COL24A1: variants seen among roughly 807,000 people sequenced by gnomAD.
The protein encoded by COL24A1 is collagen type XXIV alpha 1 chain.
In COL24A1, 224 loss-of-function variants were observed where a neutral mutation model predicts 253.9. The ratio of observed to expected loss-of-function variants is 0.88; its 90% CI spans 0.79 to 0.99. The LOEUF (loss-of-function observed/expected upper bound fraction) is 0.99. COL24A1 is among the 50% of genes least tolerant of loss of function. The probability of loss-of-function intolerance (pLI) is 0.00; values close to 1 mark genes in which losing one functional copy is unlikely to be tolerated. For synonymous variants in COL24A1, 685 were observed against 673.7 expected, an observed-to-expected ratio of 1.02 and a Z score of -0.26; for missense variants, 2,131 against 2,068.5, an observed-to-expected ratio of 1.03 and a Z score of -0.59.
intron 7 of COL24A1, among the ~76,000 whole-genome samples, chr1:86,083,054 T>C (rs1571864307): frequency 6.6e-6 from 1 of 151,906 alleles, no homozygotes; most frequent in East Asian, 1.9e-4. Context: ...TCCCAGCACT[T>C]TGGGAGGCCG....
chr1:85,901,839 A>AG (rs1684337128), intron 28 of COL24A1, among the ~76,000 whole-genome samples: 3 of 150,364 alleles, frequency 2.0e-5, no homozygotes, highest in Non-Finnish European at 4.4e-5. Context: ...AAAAAAAAAA[A>AG]AAAAAAAAAA....
intron 47 of COL24A1, among the ~76,000 whole-genome samples, chr1:85,816,245 C>T (rs752741121): frequency 7.2e-5 from 11 of 152,076 alleles, no homozygotes; most frequent in Non-Finnish European, 1.3e-4. Flanking sequence ...AAAAGTTCTT[C>T]TGGTAGTTAA....
rs370426778 is a variant in COL24A1 at position 86,125,749 on chromosome 1, G to C, written c.587C>G (p.Thr196Ser). ...AGTAAACACACTATTAGAATCAAAG[G>C]TCTGAACTTCTGGAATAGTCTCTGT... ...FSTETIPEVQ[T>S]FDSNSVFTLG... is the part of the protein sequence containing the mutation. The change falls in exon 3 of 60, where the codon ACC becomes AGC. Residue 196 changes from threonine (T) to serine (S), a missense_variant. Physicochemically the swap from Thr to Ser is moderately conservative, Grantham distance 58. Transcript: ENST00000370571. 1.4e-5 allele frequency: 22 copies of C among 1,611,250 alleles called. No individual in the cohort carries two copies. In the African/African-American group the frequency reaches 2.8e-4, roughly 21 times the overall value.
chr1:85,897,242 G>A (rs189579807), intron 28 of COL24A1, among the ~76,000 whole-genome samples: 94 of 152,144 alleles, frequency 6.2e-4, no homozygotes, highest in African/African-American at 2.1e-3. Context: ...CACACACTGG[G>A]GCCTGTCAGG....
intron 57 of COL24A1, among the ~76,000 whole-genome samples, chr1:85,743,198 A>T (rs941176839): frequency 6.6e-6 from 1 of 152,094 alleles, no homozygotes; most frequent in African/African-American, 2.4e-5. Context: ...GGTCTTGTAT[A>T]ATTTGACTTT....
intron 37 of COL24A1, among the ~76,000 whole-genome samples, chr1:85,852,971 TCTAA>T (rs1447934550): frequency 6.6e-6 from 1 of 152,166 alleles, no homozygotes; most frequent in Non-Finnish European, 1.5e-5. Context: ...ATTTTTTCTA[TCTAA>T]CTTTTATTTT....
intron 47 of COL24A1, among the ~76,000 whole-genome samples, chr1:85,805,526 G>A (rs1047051345): frequency 6.6e-6 from 1 of 152,156 alleles, no homozygotes. Context: ...CCTTTACTGA[G>A]TGGCAATATT....
intron 11 of COL24A1, among the ~76,000 whole-genome samples, chr1:86,049,765 T>C (rs1018804652): frequency 2.6e-5 from 4 of 152,154 alleles, no homozygotes; most frequent in African/African-American, 4.8e-5. Context: ...TTCTTTACTG[T>C]ATATTGCTCT....
At chr1:86,020,910 A>C (rs1052166282) in intron 18 of COL24A1, among the ~76,000 whole-genome samples, 2 of 152,174 alleles carry the variant, frequency 1.3e-5, no homozygotes, top group Non-Finnish European at 1.5e-5. Context: ...TACACGGCTT[A>C]TTAGGTTAAG....
At chr1:86,124,756 G>A (rs1162772936) in intron 3 of COL24A1, 89 bp downstream of exon 3, 3 of 999,614 alleles carry the variant, frequency 3.0e-6, no homozygotes, top group Non-Finnish European at 4.2e-6. Context: ...GTATTGTTTG[G>A]TCCAGAGAAC....
intron 7 of COL24A1, among the ~76,000 whole-genome samples, chr1:86,068,494 A>G (rs1701648930): frequency 1.3e-5 from 2 of 152,130 alleles, no homozygotes. Flanking sequence ...CCTTACCACC[A>G]TGGGCTGAAG....
chr1:86,103,080 A>T (rs1432354630), intron 5 of COL24A1, among the ~76,000 whole-genome samples: 2 of 152,194 alleles, frequency 1.3e-5, no homozygotes, highest in Non-Finnish European at 2.9e-5. Context: ...GGATGCATAT[A>T]TATTTAGAAA....
intron 5 of COL24A1, among the ~76,000 whole-genome samples, chr1:86,092,570 A>T (rs1380803126): frequency 1.3e-5 from 2 of 151,962 alleles, no homozygotes; most frequent in African/African-American, 2.4e-5. Flanking sequence ...ATTTAAAGTT[A>T]TACTACTATT....
chr1:86,050,286 GACTTACAAGTGCGAATA>G, intron 10 of COL24A1, 109 bp from the exon 11 acceptor site: 1 of 773,570 alleles, frequency 1.3e-6, no homozygotes, highest in Middle Eastern at 2.5e-4. Context: ...GAAATTACAA[GACTTACAAGTGCGAATA>G]ACTTCCCCTC....
intron 50 of COL24A1, among the ~76,000 whole-genome samples, 181 bp downstream of exon 50, chr1:85,783,932 T>C (rs1336061402): frequency 1.3e-5 from 2 of 152,152 alleles, no homozygotes; most frequent in Non-Finnish European, 2.9e-5. Flanking sequence ...TATACTAAAA[T>C]TTCTGGGAAA....
chr1:85,798,768 G>C (rs1030730622), intron 47 of COL24A1, among the ~76,000 whole-genome samples: 1 of 152,106 alleles, frequency 6.6e-6, no homozygotes, highest in African/African-American at 2.4e-5. Context: ...TTATGCTTGT[G>C]TTCACCTGGA....
chr1:85,795,854 T>A (rs1670754077), intron 47 of COL24A1, among the ~76,000 whole-genome samples: 2 of 152,114 alleles, frequency 1.3e-5, no homozygotes. Flanking sequence ...AAATAATACT[T>A]TACTTCCTTT....
chr1:85,861,053 T>C (rs1023441515), intron 37 of COL24A1, among the ~76,000 whole-genome samples: 6 of 152,194 alleles, frequency 3.9e-5, no homozygotes, highest in Non-Finnish European at 8.8e-5. Flanking sequence ...GGTAAGTCCA[T>C]GTTTAACATT....
intron 20 of COL24A1, among the ~76,000 whole-genome samples, chr1:85,977,052 T>C (rs1460709122): frequency 2.0e-5 from 3 of 152,184 alleles, no homozygotes; most frequent in Non-Finnish European, 4.4e-5. Flanking sequence ...CAGGACACTT[T>C]GCAGACAATC....
Sources: gnomAD v4.1 joint callset for allele counts (sites outside exome capture counted in the v4.1 genomes callset) on GRCh38, gnomAD v4.1.1 for gene constraint, MANE v1.5 for transcripts, NCBI Gene and HGNC (gene_info 2026-07-23, HGNC 2026-07-21) for gene names.